The following CNTN5 variants were observed in gnomAD, a reference collection of about 807,000 sequenced individuals.
CNTN5 encodes the protein contactin 5, also known as contactin-5.
Under a neutral mutation model 129.1 loss-of-function variants are expected in CNTN5, and 77 were observed. That is an observed-to-expected ratio of 0.60 (90% CI 0.50 to 0.72). The LOEUF (loss-of-function observed/expected upper bound fraction) is 0.72. CNTN5 is among the 30% of genes least tolerant of loss of function. The pLI, the probability that CNTN5 is intolerant of heterozygous loss-of-function variation, is 0.00. For synonymous variants in CNTN5, 509 were observed against 465.6 expected (o/e 1.09, Z -1.20); for missense variants, 1,478 against 1,328.8 (o/e 1.11, Z -1.75).
At chr11:100,178,593 T>C (rs905682371) in intron 13 of CNTN5, among the ~76,000 whole-genome samples, 5 of 152,224 alleles carry the variant, frequency 3.3e-5, no homozygotes, top group Non-Finnish European at 7.3e-5. Context: ...GCACAAGATA[T>C]ACACTAAGCA....
intron 4 of CNTN5, among the ~76,000 whole-genome samples, chr11:99,831,974 A>G (rs574379522): frequency 5.9e-5 from 9 of 152,204 alleles, no homozygotes; most frequent in East Asian, 5.8e-4. Flanking sequence ...TCAACTTCCA[A>G]TGGCCAACCA....
At chr11:99,085,708 A>T (rs1289780757) in intron 1 of CNTN5, among the ~76,000 whole-genome samples, 1 of 152,116 alleles carries the variant, frequency 6.6e-6, no homozygotes, top group Non-Finnish European at 1.5e-5. Flanking sequence ...TTTAATATTT[A>T]TTTTTAAATA....
intron 1 of CNTN5, among the ~76,000 whole-genome samples, chr11:99,032,078 C>G (rs1490536133): frequency 6.6e-6 from 1 of 151,872 alleles, no homozygotes; most frequent in Admixed American, 6.6e-5. Context: ...CATCCACGTC[C>G]CTAAAAAGGA....
intron 1 of CNTN5, among the ~76,000 whole-genome samples, chr11:99,044,966 T>A (rs2135152250): frequency 6.6e-6 from 1 of 152,192 alleles, no homozygotes; most frequent in African/African-American, 2.4e-5. Context: ...TGTACCTCAG[T>A]CTCCTCATGT....
chr11:99,550,056 A>G (rs1352767940), intron 2 of CNTN5, among the ~76,000 whole-genome samples: 1 of 152,176 alleles, frequency 6.6e-6, no homozygotes, highest in African/African-American at 2.4e-5. Flanking sequence ...TATTTAAAAG[A>G]GTAAGAAAAA....
At chr11:99,841,513 T>C (rs936422273) in intron 4 of CNTN5, among the ~76,000 whole-genome samples, 1 of 151,658 alleles carries the variant, frequency 6.6e-6, no homozygotes, top group African/African-American at 2.4e-5. Context: ...GATAATTAGA[T>C]AATATATATA....
At chr11:99,262,384 T>A (rs1347981833) in intron 1 of CNTN5, among the ~76,000 whole-genome samples, 1 of 152,118 alleles carries the variant, frequency 6.6e-6, no homozygotes, top group East Asian at 1.9e-4. Context: ...ATGATAATTA[T>A]TATGATAGTA....
intron 3 of CNTN5, among the ~76,000 whole-genome samples, chr11:99,707,577 A>T (rs2134924259): frequency 6.6e-6 from 1 of 151,776 alleles, no homozygotes; most frequent in Non-Finnish European, 1.5e-5. Flanking sequence ...TTAATTGAAT[A>T]ATTTAGAGAT....
intron 6 of CNTN5, among the ~76,000 whole-genome samples, chr11:99,899,208 G>T (rs1446497761): frequency 6.6e-6 from 1 of 151,958 alleles, no homozygotes; most frequent in African/African-American, 2.4e-5. Context: ...CAATTTGGAT[G>T]CCTTTTATTT....
rs895913073 is a variant in CNTN5 at position 100,147,255 on chromosome 11, C to T, written c.1581-43871C>T. Among the ~76,000 whole-genome samples the T allele has an allele frequency of 5.9e-5, 9 of 152,254 alleles. 1 individual carries two copies. Among genetic ancestry groups the T allele is most frequent in the African/African-American group, 2.2e-4 (9 of 41,556 alleles). On this transcript the variant is annotated intron_variant, in intron 13 of 24. Coordinates refer to ENST00000524871, the MANE Select transcript of CNTN5 (RefSeq NM_014361.4). ...CAGCTGGCTTATACTATTTTCTCTCCATTGAATTTCACGCATTCATAGGGG... is the reference window on the plus strand; with the variant it reads ...CAGCTGGCTTATACTATTTTCTCTCTATTGAATTTCACGCATTCATAGGGG...
intron 3 of CNTN5, among the ~76,000 whole-genome samples, chr11:99,578,638 T>A (rs1476170046): frequency 6.7e-6 from 1 of 149,578 alleles, no homozygotes; most frequent in Non-Finnish European, 1.5e-5. Flanking sequence ...TTTTGAGAAG[T>A]GTCTGTTCAT....
chr11:99,687,573 A>G lies in CNTN5; in HGVS notation c.55+131304A>G, dbSNP rs993187318. On this transcript the variant is annotated intron_variant, in intron 3 of 24. Coordinates refer to ENST00000524871, the MANE Select transcript of CNTN5 (RefSeq NM_014361.4). ...CAAAATGCTCACTTAGCCATACTTT[A>G]TGGGCTGTAGCTCATTCTAATTGCT... Among the ~76,000 whole-genome samples the G allele has an allele frequency of 3.9e-5, 6 of 152,288 alleles. No individual in the cohort carries two copies. In the East Asian group the frequency reaches 5.8e-4, roughly 15 times the overall value.
At chr11:99,281,097 A>G (rs994625427) in intron 1 of CNTN5, among the ~76,000 whole-genome samples, 1 of 151,902 alleles carries the variant, frequency 6.6e-6, no homozygotes, top group Non-Finnish European at 1.5e-5. Flanking sequence ...TAATCAGAAT[A>G]AGCATAGATA....
chr11:99,850,804 A>G (rs1947849532), intron 6 of CNTN5, among the ~76,000 whole-genome samples: 1 of 152,090 alleles, frequency 6.6e-6, no homozygotes, highest in South Asian at 2.1e-4. Context: ...AACAGAATCT[A>G]TTTCCCCTGC....
chr11:99,614,676 C>T (rs1399168230), intron 3 of CNTN5, among the ~76,000 whole-genome samples: 6 of 152,178 alleles, frequency 3.9e-5, no homozygotes, highest in Non-Finnish European at 8.8e-5. Flanking sequence ...ATCTTTGCTC[C>T]TCGATCCAGG....
At chr11:99,115,658 G>T (rs10750196) in intron 1 of CNTN5, among the ~76,000 whole-genome samples, 54,384 of 151,904 alleles carry the variant, frequency 0.36, 9,673 homozygotes, top group Middle Eastern at 0.41. Flanking sequence ...TACTCGGGAG[G>T]CTGAGGCAGG....
intron 6 of CNTN5, among the ~76,000 whole-genome samples, chr11:99,848,647 G>C (rs150056563): frequency 0.013 from 1,985 of 152,134 alleles, 28 homozygotes; most frequent in African/African-American, 0.044. Flanking sequence ...CCACTTTGTA[G>C]CTATTCTTGA....
At chr11:99,682,770 G>T (rs973169784) in intron 3 of CNTN5, among the ~76,000 whole-genome samples, 1 of 151,856 alleles carries the variant, frequency 6.6e-6, no homozygotes, top group Non-Finnish European at 1.5e-5. Context: ...CAGTCAAATG[G>T]AAACAATAAG....
At chr11:100,197,929 A>G (rs571810659) in intron 15 of CNTN5, among the ~76,000 whole-genome samples, 13 of 152,026 alleles carry the variant, frequency 8.6e-5, no homozygotes, top group South Asian at 8.3e-4. Context: ...CATTTACCCA[A>G]TTCTCTGGTT....
Sources: gnomAD v4.1 joint callset for allele counts (sites outside exome capture counted in the v4.1 genomes callset) on GRCh38, gnomAD v4.1.1 for gene constraint, MANE v1.5 for transcripts, NCBI Gene and HGNC (gene_info 2026-07-23, HGNC 2026-07-21) for gene names.